Variants in TOX observed in about 807,000 individuals in gnomAD.
The protein encoded by TOX is thymocyte selection-associated high mobility group box protein TOX.
In TOX, 11 loss-of-function variants were observed where a neutral mutation model predicts 53.7. The observed-to-expected ratio is 0.20, with a 90% confidence interval of 0.13 to 0.34. The LOEUF is 0.34. Ranked by LOEUF, TOX falls within the 10% of genes least tolerant of loss-of-function variation. The pLI, the probability that TOX is intolerant of heterozygous loss-of-function variation, is 1.00. For synonymous variants in TOX, 225 were observed against 245.3 expected (o/e 0.92, Z 0.77); for missense variants, 570 against 664.6 (o/e 0.86, Z 1.56).
chr8:59,017,692 C>A (rs914633459), intron 1 of TOX, among the ~76,000 whole-genome samples: 3 of 152,142 alleles, frequency 2.0e-5, no homozygotes, highest in Non-Finnish European at 2.9e-5. Flanking sequence ...GCTTCTTACA[C>A]CAGTTTTTAA....
At chr8:59,078,122 C>G (rs1283733828) in intron 1 of TOX, among the ~76,000 whole-genome samples, 3 of 152,160 alleles carry the variant, frequency 2.0e-5, no homozygotes, top group Non-Finnish European at 2.9e-5. Flanking sequence ...TATGCTACAA[C>G]CCAAGCTTGG....
At chr8:59,050,654 T>C (rs1019465513) in intron 1 of TOX, among the ~76,000 whole-genome samples, 11 of 152,160 alleles carry the variant, frequency 7.2e-5, no homozygotes, top group Non-Finnish European at 1.5e-4. Flanking sequence ...TACAAACACC[T>C]AAATATGTTC....
At chr8:58,971,029 GT>G (rs1312223260) in intron 1 of TOX, among the ~76,000 whole-genome samples, 1 of 152,174 alleles carries the variant, frequency 6.6e-6, no homozygotes, top group Non-Finnish European at 1.5e-5. Context: ...CTGAAAAGTA[GT>G]TCATTTTTTC....
chr8:59,042,844 T>A (rs1803615969), intron 1 of TOX, among the ~76,000 whole-genome samples: 1 of 152,224 alleles, frequency 6.6e-6, no homozygotes, highest in African/African-American at 2.4e-5. Context: ...TATAATTGTA[T>A]GTATTTATGG....
At chr8:59,001,307 A>T (rs1813684575) in intron 1 of TOX, among the ~76,000 whole-genome samples, 1 of 152,140 alleles carries the variant, frequency 6.6e-6, no homozygotes, top group South Asian at 2.1e-4. Flanking sequence ...TCCTCTTCTA[A>T]TTTTCTCCCA....
At chr8:58,914,121 G>A (rs1424707167) in intron 3 of TOX, among the ~76,000 whole-genome samples, 1 of 152,226 alleles carries the variant, frequency 6.6e-6, no homozygotes, top group African/African-American at 2.4e-5. Flanking sequence ...GCACTGTGCT[G>A]TCAATATCAA....
At chr8:59,024,547 C>T (rs886118623) in intron 1 of TOX, among the ~76,000 whole-genome samples, 5 of 152,178 alleles carry the variant, frequency 3.3e-5, no homozygotes, top group African/African-American at 1.2e-4. Context: ...CAGGCTGTCA[C>T]GTTTTTGTGT....
chr8:59,100,042 TCCCA>T (rs1804779527), intron 1 of TOX, among the ~76,000 whole-genome samples: 1 of 151,514 alleles, frequency 6.6e-6, no homozygotes, highest in Non-Finnish European at 1.5e-5. Flanking sequence ...TTTTTTTTTT[TCCCA>T]TAAAATGCAA....
At chr8:58,885,765 T>G (rs138837202) in intron 3 of TOX, among the ~76,000 whole-genome samples, 1 of 152,274 alleles carries the variant, frequency 6.6e-6, no homozygotes, top group East Asian at 1.9e-4. Context: ...TTTCAGAGGT[T>G]AATTGCTATA....
At chr8:58,935,496 A>T (rs1812329329) in intron 3 of TOX, among the ~76,000 whole-genome samples, 1 of 152,206 alleles carries the variant, frequency 6.6e-6, no homozygotes, top group Non-Finnish European at 1.5e-5. Flanking sequence ...GGATTTTTAA[A>T]TTCACAGCAA....
intron 1 of TOX, among the ~76,000 whole-genome samples, chr8:59,097,422 G>A (rs1804731364): frequency 6.6e-6 from 1 of 152,142 alleles, no homozygotes; most frequent in African/African-American, 2.4e-5. Context: ...AGTCTAGGTG[G>A]TGCTTTACAC....
Position 58,982,621 on chromosome 8 carries a change from A to G in TOX, c.103-22613T>C, listed in dbSNP as rs903567838. Among the ~76,000 whole-genome samples, 14 of 152,262 alleles carry G rather than the reference A, an allele frequency of 9.2e-5. No individual in the cohort carries two copies. The East Asian group carries it at 2.7e-3, about 29-fold the overall frequency. ...CAAGTCCTGCACATTACAGATCTCA[A>G]ACACCTGTTCCCACCAGTTCAATCC... is the stretch of plus-strand genomic sequence containing the variant. On this transcript the variant is annotated intron_variant, in intron 1 of 8. Transcript: ENST00000361421.
rs56084053 is a variant in TOX, at chr8:59,107,958, C to T, written c.102+10928G>A. Among the ~76,000 whole-genome samples the T allele has an allele frequency of 1.3e-3, 193 of 152,284 alleles. 1 individual carries two copies. Among genetic ancestry groups the T allele is most frequent in the Non-Finnish European group, 2.1e-3 (142 of 68,024 alleles). ...CGCTCTCTCCTTCCCTTTCCCCGCC[C>T]CCAAAACATTGCGTGTGCTTTGCAT... On this transcript the variant is annotated intron_variant, in intron 1 of 8. Transcript: ENST00000361421.
At chr8:58,977,157 C>T (rs1200985669) in intron 1 of TOX, among the ~76,000 whole-genome samples, 1 of 152,246 alleles carries the variant, frequency 6.6e-6, no homozygotes, top group East Asian at 1.9e-4. Flanking sequence ...CCACCTTCAT[C>T]AGTGATCTTA....
At chr8:59,085,191 T>C (rs564022663) in intron 1 of TOX, among the ~76,000 whole-genome samples, 1 of 152,362 alleles carries the variant, frequency 6.6e-6, no homozygotes, top group East Asian at 1.9e-4. Context: ...CCTTTCACTT[T>C]CATGTGCAGA....
At chr8:58,854,100 A>T (rs528111570) in intron 3 of TOX, among the ~76,000 whole-genome samples, 1 of 152,336 alleles carries the variant, frequency 6.6e-6, no homozygotes, top group East Asian at 1.9e-4. Context: ...ACTAATGTGC[A>T]TATTCCAACT....
At chr8:58,854,203 A>C (rs1373259428) in intron 3 of TOX, among the ~76,000 whole-genome samples, 1 of 152,210 alleles carries the variant, frequency 6.6e-6, no homozygotes, top group Non-Finnish European at 1.5e-5. Flanking sequence ...ACTAATTGCT[A>C]TCTTTATTTC....
intron 1 of TOX, among the ~76,000 whole-genome samples, chr8:59,110,336 C>T (rs1427844818): frequency 6.6e-6 from 1 of 152,080 alleles, no homozygotes; most frequent in Non-Finnish European, 1.5e-5. Context: ...ACAATTGTTA[C>T]TGGCATTTTA....
intron 1 of TOX, among the ~76,000 whole-genome samples, chr8:58,979,959 T>G (rs1389886448): frequency 6.6e-6 from 1 of 152,260 alleles, no homozygotes; most frequent in Non-Finnish European, 1.5e-5. Flanking sequence ...ATCTTTACAT[T>G]AACTTTATCA....
Sources: gnomAD v4.1 joint callset for allele counts (sites outside exome capture counted in the v4.1 genomes callset) on GRCh38, gnomAD v4.1.1 for gene constraint, MANE v1.5 for transcripts, NCBI Gene and HGNC (gene_info 2026-07-23, HGNC 2026-07-21) for gene names.